The following SAMD5 variants were observed in gnomAD, a reference collection of about 807,000 sequenced individuals.
SAMD5 encodes sterile alpha motif domain-containing protein 5.
In SAMD5, 13 loss-of-function variants were observed where a neutral mutation model predicts 11.3. The observed-to-expected ratio is 1.15, with a 90% CI of 0.75 to 1.83. SAMD5 has a LOEUF of 1.83. SAMD5 is among the 40% of genes most tolerant of loss of function. The probability of loss-of-function intolerance (pLI) is 0.00; values close to 1 mark genes in which losing one functional copy is unlikely to be tolerated. For missense variants in SAMD5, 255 were observed against 239.1 expected, an observed-to-expected ratio of 1.07 and a Z score of -0.44; for synonymous variants, 129 against 111.3, an observed-to-expected ratio of 1.16 and a Z score of -1.00.
intron 1 of SAMD5, among the ~76,000 whole-genome samples, chr6:147,664,006 G>A (rs1414978969): frequency 1.3e-5 from 2 of 151,326 alleles, no homozygotes; most frequent in Non-Finnish European, 2.9e-5. Context: ...ACAAACGTAA[G>A]CTTAGAAGGA....
intron 1 of SAMD5, among the ~76,000 whole-genome samples, chr6:147,546,798 C>T (rs1396144158): frequency 1.3e-5 from 2 of 152,162 alleles, no homozygotes; most frequent in Non-Finnish European, 1.5e-5. Flanking sequence ...AAATGCATGG[C>T]ATCTTTTAAA....
the SAMD5 span, among the ~76,000 whole-genome samples, chr6:147,743,896 G>A: frequency 9.8e-5 from 15 of 152,314 alleles, no homozygotes; most frequent in Non-Finnish European, 1.5e-4. Flanking sequence ...CTTAACTGGC[G>A]TGGTTTATTA....
chr6:147,891,799 A>C, the SAMD5 span, among the ~76,000 whole-genome samples: 629 of 152,028 alleles, frequency 4.1e-3, 4 homozygotes, highest in African/African-American at 0.014. Flanking sequence ...CAAAAAAAAA[A>C]CCTAGAGCTT....
chr6:147,633,040 G>A (rs1360193082), intron 1 of SAMD5, among the ~76,000 whole-genome samples: 2 of 152,162 alleles, frequency 1.3e-5, no homozygotes. Context: ...GTGTTAAGAT[G>A]TAACCCTTGA....
At chr6:147,914,065 A>G in the SAMD5 span, among the ~76,000 whole-genome samples, 1 of 151,798 alleles carries the variant, frequency 6.6e-6, no homozygotes, top group Non-Finnish European at 1.5e-5. Context: ...CCAACCTGCG[A>G]CCCACAGGCC....
At chr6:147,918,889 T>C in the SAMD5 span, among the ~76,000 whole-genome samples, 5 of 151,976 alleles carry the variant, frequency 3.3e-5, no homozygotes, top group African/African-American at 1.2e-4. Flanking sequence ...GTATTTTTAG[T>C]AGAGACAGGG....
the SAMD5 span, among the ~76,000 whole-genome samples, chr6:147,822,886 C>T: frequency 6.6e-6 from 1 of 152,202 alleles, no homozygotes; most frequent in South Asian, 2.1e-4. Flanking sequence ...ACGATCTCAG[C>T]TCACCGCAAC....
At chr6:147,799,192 T>C in the SAMD5 span, among the ~76,000 whole-genome samples, 2 of 152,298 alleles carry the variant, frequency 1.3e-5, no homozygotes, top group Admixed American at 1.3e-4. Flanking sequence ...GGCATGATTT[T>C]GCAGCGGCTG....
intron 1 of SAMD5, among the ~76,000 whole-genome samples, chr6:147,595,450 T>C (rs1417895296): frequency 6.6e-6 from 1 of 151,932 alleles, no homozygotes; most frequent in South Asian, 2.1e-4. Flanking sequence ...ACTGCTATTA[T>C]TAAGCCACTA....
At chr6:147,514,559 C>T (rs568504384) in intron 1 of SAMD5, among the ~76,000 whole-genome samples, 1 of 151,904 alleles carries the variant, frequency 6.6e-6, no homozygotes, top group African/African-American at 2.4e-5. Flanking sequence ...GTTGTGCTGA[C>T]GTTTTGTTGA....
the SAMD5 span, among the ~76,000 whole-genome samples, chr6:147,852,252 C>T: frequency 3.3e-5 from 5 of 151,726 alleles, no homozygotes; most frequent in Non-Finnish European, 5.9e-5. Context: ...ATGTAAATAC[C>T]CTATCCATAT....
the SAMD5 span, among the ~76,000 whole-genome samples, chr6:147,768,645 A>T: frequency 6.6e-6 from 1 of 152,218 alleles, no homozygotes; most frequent in Non-Finnish European, 1.5e-5. Flanking sequence ...TACCTATTTT[A>T]TTTTATTTTT....
the SAMD5 span, among the ~76,000 whole-genome samples, chr6:147,797,261 A>C: frequency 6.9e-6 from 1 of 145,676 alleles, no homozygotes; most frequent in South Asian, 2.2e-4. Flanking sequence ...TAATTTATTG[A>C]GACTTTTTAG....
At chr6:147,645,426 T>C (rs1392986443) in intron 1 of SAMD5, among the ~76,000 whole-genome samples, 1 of 152,098 alleles carries the variant, frequency 6.6e-6, no homozygotes, top group East Asian at 1.9e-4. Context: ...AAAAAGAACA[T>C]TGACCCTTCC....
chr6:147,847,276 G>T, the SAMD5 span, among the ~76,000 whole-genome samples: 1 of 152,292 alleles, frequency 6.6e-6, no homozygotes, highest in East Asian at 1.9e-4. Context: ...TAATTCAAGT[G>T]TTCTCATTTA....
the SAMD5 span, among the ~76,000 whole-genome samples, chr6:147,752,612 T>C: frequency 6.6e-6 from 1 of 152,194 alleles, no homozygotes; most frequent in Non-Finnish European, 1.5e-5. Flanking sequence ...GTACTTTTAC[T>C]GGAAACATGC....
chr6:147,691,672 T>C (rs899496835), intron 1 of SAMD5, among the ~76,000 whole-genome samples: 3 of 152,186 alleles, frequency 2.0e-5, no homozygotes, highest in Admixed American at 6.5e-5. Context: ...CCAAAGCAAC[T>C]ATTTCCTTGC....
chr6:147,697,626 A>T (rs1018484770), intron 1 of SAMD5, among the ~76,000 whole-genome samples: 1 of 152,224 alleles, frequency 6.6e-6, no homozygotes, highest in Admixed American at 6.5e-5. Flanking sequence ...CTATAAAAAA[A>T]CTAAACTAAA....
At chr6:147,543,366 T>A (rs570601283) in intron 1 of SAMD5, among the ~76,000 whole-genome samples, 1 of 152,320 alleles carries the variant, frequency 6.6e-6, no homozygotes, top group South Asian at 2.1e-4. Context: ...AAAGTTCTAA[T>A]GAGAGTGAGG....
Sources: gnomAD v4.1 joint callset for allele counts (sites outside exome capture counted in the v4.1 genomes callset) on GRCh38, gnomAD v4.1.1 for gene constraint, MANE v1.5 for transcripts, NCBI Gene and HGNC (gene_info 2026-07-23, HGNC 2026-07-21) for gene names.